The following AHCY variants were observed in gnomAD, a reference collection of about 807,000 sequenced individuals.
AHCY encodes the protein S-adenosyl-L-homocysteine hydrolase.
A neutral mutation model predicts 45.4 loss-of-function variants in AHCY; 24 were observed. The ratio of observed to expected loss-of-function variants is 0.53; its 90% CI spans 0.38 to 0.74. The LOEUF (loss-of-function observed/expected upper bound fraction) is 0.74, where lower values mean the gene tolerates loss of function less well. Ranked by LOEUF, AHCY falls within the 30% of genes least tolerant of loss-of-function variation. The pLI, the probability that AHCY is intolerant of heterozygous loss-of-function variation, is 0.00. For missense variants in AHCY, 449 were observed against 594.1 expected, an observed-to-expected ratio of 0.76 and a Z score of 2.54; for synonymous variants, 245 against 235.1, an observed-to-expected ratio of 1.04 and a Z score of -0.39.
chr20:34,277,299 TG>T (rs2035917047), downstream of AHCY, among the ~76,000 whole-genome samples: 1 of 152,202 alleles, frequency 6.6e-6, no homozygotes, highest in African/African-American at 2.4e-5. Flanking sequence ...ACAACTTCTC[TG>T]GGCCTCCGTT....
At chr20:34,260,715 C>T in the AHCY span, among the ~76,000 whole-genome samples, 1 of 152,226 alleles carries the variant, frequency 6.6e-6, no homozygotes, top group Non-Finnish European at 1.5e-5. Context: ...GCTCTGCATG[C>T]CACCAGTCTA....
At chr20:34,308,655 ATTTT>A (rs745327223) in intron 1 of AHCY, among the ~76,000 whole-genome samples, 1 of 142,512 alleles carries the variant, frequency 7.0e-6, no homozygotes, top group Non-Finnish European at 1.5e-5. Flanking sequence ...TAATTTGGCA[ATTTT>A]TTTTTTTTTT....
the AHCY span, among the ~76,000 whole-genome samples, chr20:34,245,652 G>C: frequency 1.3e-5 from 2 of 151,944 alleles, no homozygotes; most frequent in African/African-American, 4.8e-5. Context: ...GCCTCCCAAA[G>C]TGCTGGGATT....
the AHCY span, chr20:34,269,129 A>G: frequency 1.3e-6 from 2 of 1,554,828 alleles, no homozygotes; most frequent in Non-Finnish European, 1.7e-6. Flanking sequence ...CTTCTTCCGC[A>G]GCGCCTGCTC....
At chr20:34,282,837 G>C (rs2036047124) in intron 9 of AHCY, among the ~76,000 whole-genome samples, 1 of 152,154 alleles carries the variant, frequency 6.6e-6, no homozygotes, top group Admixed American at 6.5e-5. Flanking sequence ...CATGAGGTAG[G>C]CCTCTCCCTA....
the AHCY span, among the ~76,000 whole-genome samples, chr20:34,232,529 T>G: frequency 3.3e-5 from 5 of 152,186 alleles, no homozygotes; most frequent in African/African-American, 1.2e-4. Context: ...CCTGCAGTAT[T>G]GACCTCAGAG....
the AHCY span, among the ~76,000 whole-genome samples, chr20:34,258,068 C>T: frequency 2.0e-5 from 3 of 151,750 alleles, no homozygotes; most frequent in Admixed American, 6.6e-5. Context: ...TGCTTGAATC[C>T]GGGAGGCAGA....
Position 34,290,442 on chromosome 20 carries a change from C to A in AHCY, c.862G>T (p.Glu288Ter). The A allele has an allele frequency of 6.2e-7, 1 of 1,614,236 alleles. No individual in the cohort carries two copies. Among genetic ancestry groups the A allele is most frequent in the Non-Finnish European group, 8.5e-7 (1 of 1,180,042 alleles). The stretch of plus-strand genomic sequence containing the variant: ...ACAATGGCATCATCCTTCATCTGCT[C>A]AAAGTGCCTGTCAGGCAGCCCAAGA... ...CIDIILGRHF[E>*]QMKDDAIVCN... is the part of the protein sequence containing the mutation. The change falls in exon 8 of 10, where the codon GAG (glutamate) becomes TAG (stop). Residue 288 changes from glutamate to a stop codon, truncating the protein, a stop_gained. Coordinates refer to ENST00000217426, the MANE Select transcript of AHCY (RefSeq NM_000687.4). LOFTEE classifies it high-confidence loss of function. This position sits in a 1 kb window ranked among gnomAD's most constrained non-coding sequence, Gnocchi z 4.5.
At chr20:34,302,561 G>C (rs978003393) in intron 1 of AHCY, 1 of 943,514 alleles carries the variant, frequency 1.1e-6, no homozygotes, top group South Asian at 4.9e-5. Context: ...AAAGCTAGAA[G>C]GCAGTGCCGA....
chr20:34,274,981 G>A, the AHCY span, among the ~76,000 whole-genome samples: 1 of 151,962 alleles, frequency 6.6e-6, no homozygotes, highest in African/African-American at 2.4e-5. Context: ...ACAAATTCCT[G>A]TTCCAGCACT....
the AHCY span, among the ~76,000 whole-genome samples, chr20:34,252,615 C>G: frequency 1.3e-5 from 2 of 152,142 alleles, no homozygotes; most frequent in African/African-American, 4.8e-5. Context: ...CAGGGAGGAG[C>G]AGGAGACAGA....
chr20:34,281,165 G>T lies in AHCY; in HGVS notation c.1168C>A (p.Leu390Met). 1 of 1,613,022 alleles carries T rather than the reference G, an allele frequency of 6.2e-7. No homozygotes were observed. The highest frequency in any genetic ancestry group is 2.2e-5 in the East Asian group (1 of 44,880). Residue 390 changes from leucine (L) to methionine (M), a missense_variant and splice_region_variant, in exon 10 of 10, where the codon CTG becomes ATG. Coordinates refer to ENST00000217426, the MANE Select transcript of AHCY (RefSeq NM_000687.4). ...TGGGCTTCAGCCACTGCCTCATCCA[G>T]CTGGGGAGAAACAAAGGAAGACCGG... Reference protein sequence around the residue: ...PVGVHFLPKKLDEAVAEAHLG... With the variant: ...PVGVHFLPKKMDEAVAEAHLG...
At chr20:34,257,177 G>C in the AHCY span, among the ~76,000 whole-genome samples, 1 of 150,928 alleles carries the variant, frequency 6.6e-6, no homozygotes, top group African/African-American at 2.4e-5. Context: ...TCCTCCCCCT[G>C]GGTTCAGGCG....
the AHCY span, among the ~76,000 whole-genome samples, chr20:34,234,078 T>C: frequency 6.6e-6 from 1 of 152,220 alleles, no homozygotes; most frequent in Non-Finnish European, 1.5e-5. Flanking sequence ...GGTGTCACCA[T>C]GTCCAATGTT....
the AHCY span, among the ~76,000 whole-genome samples, chr20:34,268,360 G>A: frequency 6.6e-6 from 1 of 152,146 alleles, no homozygotes; most frequent in African/African-American, 2.4e-5. Context: ...AGGGGTCGGA[G>A]AGGCAAGCAA....
chr20:34,232,344 A>C, the AHCY span, among the ~76,000 whole-genome samples: 5 of 152,162 alleles, frequency 3.3e-5, no homozygotes, highest in African/African-American at 9.7e-5. Flanking sequence ...TCTCAACAGC[A>C]TCCACCGTCA....
At chr20:34,297,738 C>T (rs1440620488) in intron 1 of AHCY, among the ~76,000 whole-genome samples, 3 of 152,172 alleles carry the variant, frequency 2.0e-5, no homozygotes, top group Non-Finnish European at 4.4e-5. Flanking sequence ...TCTCACTTCC[C>T]AATTCACTGA....
At chr20:34,287,629 T>G (rs956269174) in intron 8 of AHCY, among the ~76,000 whole-genome samples, 8 of 151,794 alleles carry the variant, frequency 5.3e-5, no homozygotes, top group Non-Finnish European at 1.0e-4. Context: ...TGACCTCAAG[T>G]GATCCGCCTG....
the AHCY span, among the ~76,000 whole-genome samples, chr20:34,268,483 G>A: frequency 1.3e-5 from 2 of 152,176 alleles, no homozygotes; most frequent in African/African-American, 2.4e-5. Flanking sequence ...AGCACTTTGG[G>A]AGGCCGAGGC....
Sources: allele counts gnomAD v4.1 joint callset (sites outside exome capture counted in the v4.1 genomes callset), GRCh38; gene constraint gnomAD v4.1.1; non-coding constraint Gnocchi (gnomAD v3.1); transcripts MANE v1.5; gene names NCBI Gene and HGNC (gene_info 2026-07-23, HGNC 2026-07-21).